SCFD2: variants seen among roughly 807,000 people sequenced by gnomAD.
The protein encoded by SCFD2 is sec1 family domain-containing protein 2.
A neutral mutation model predicts 58.9 loss-of-function variants in SCFD2; 54 were observed. The observed-to-expected ratio is 0.92, with a 90% CI of 0.74 to 1.15. SCFD2 has a LOEUF of 1.15. SCFD2 is among the 50% of genes most tolerant of loss of function. The pLI is 0.00. For synonymous variants in SCFD2, 321 were observed against 335.9 expected (o/e 0.96, Z 0.49); for missense variants, 805 against 836.6 (o/e 0.96, Z 0.47).
chr4:52,946,409 T>C (rs1449197244), intron 5 of SCFD2, among the ~76,000 whole-genome samples: 1 of 152,084 alleles, frequency 6.6e-6, no homozygotes, highest in Non-Finnish European at 1.5e-5. Flanking sequence ...ATTACCAAAG[T>C]ATTCTTACTC....
intron 4 of SCFD2, among the ~76,000 whole-genome samples, chr4:53,150,054 T>G (rs565301345): frequency 6.6e-6 from 1 of 152,336 alleles, no homozygotes; most frequent in African/African-American, 2.4e-5. Flanking sequence ...CCATGTTAGT[T>G]TATTATATTT....
rs549068517 is a variant in SCFD2, at chr4:53,245,478, A to G, written c.1311+28348T>C. ...ATATGTAAATCAATAAACATGATTC[A>G]TCATGCAAACAGAACCAAAGGGAAA... On this transcript the variant is annotated intron_variant, in intron 4 of 8. Coordinates refer to ENST00000401642, the MANE Select transcript of SCFD2 (RefSeq NM_152540.4). Among the ~76,000 whole-genome samples the G allele has an allele frequency of 2.0e-5, 3 of 152,312 alleles. 1 individual carries two copies. The East Asian group carries it at 5.8e-4, about 29-fold the overall frequency.
At position 53,035,815 on chromosome 4, in the gene SCFD2, G is replaced by T. The variant is rs1465741301; in HGVS notation, c.1561+109518C>A. Among the ~76,000 whole-genome samples, 24 of 152,278 alleles carry T rather than the reference G, an allele frequency of 1.6e-4. No individual in the cohort carries two copies. The East Asian group carries it at 4.4e-3, about 28-fold the overall frequency. On this transcript the variant is annotated intron_variant, in intron 5 of 8. Coordinates refer to ENST00000401642, the MANE Select transcript of SCFD2 (RefSeq NM_152540.4). The stretch of plus-strand genomic sequence containing the variant: ...CAGCTAGAATGGCGATCATTAAAAA[G>T]TCAGGAAACAACAGATACTGGGGAG...
intron 2 of SCFD2, among the ~76,000 whole-genome samples, chr4:53,343,228 A>C (rs529357756): frequency 5.9e-5 from 9 of 152,284 alleles, no homozygotes; most frequent in African/African-American, 1.9e-4. Flanking sequence ...CTAATAAAAG[A>C]GAGAAGAATC....
chr4:53,347,055 C>T (rs753784803), intron 2 of SCFD2, among the ~76,000 whole-genome samples: 1 of 152,236 alleles, frequency 6.6e-6, no homozygotes, highest in Non-Finnish European at 1.5e-5. Context: ...TCACCCAGCA[C>T]TCCACTACAG....
At chr4:53,047,505 G>T (rs1271602388) in intron 5 of SCFD2, among the ~76,000 whole-genome samples, 1 of 152,120 alleles carries the variant, frequency 6.6e-6, no homozygotes, top group African/African-American at 2.4e-5. Flanking sequence ...TATTTTCTTT[G>T]CAGGTTGTGT....
At chr4:53,007,305 G>GGAGAGA (rs147645284) in intron 5 of SCFD2, among the ~76,000 whole-genome samples, 2,001 of 66,044 alleles carry the variant, frequency 0.03, 77 homozygotes, top group Non-Finnish European at 0.036. Context: ...AGAGGGAGAG[G>GGAGAGA]GAGAGAGAGA....
At chr4:52,992,756 G>A (rs536998129) in intron 5 of SCFD2, among the ~76,000 whole-genome samples, 3 of 151,782 alleles carry the variant, frequency 2.0e-5, no homozygotes, top group Admixed American at 6.6e-5. Context: ...CCCGGCAGCC[G>A]CCCCATGTGT....
chr4:52,963,494 T>C (rs1720897428), intron 5 of SCFD2, among the ~76,000 whole-genome samples: 1 of 152,236 alleles, frequency 6.6e-6, no homozygotes, highest in South Asian at 2.1e-4. Flanking sequence ...TACCAATGTC[T>C]GTAAAGAATA....
chr4:53,079,066 C>T (rs1724065849), intron 5 of SCFD2, among the ~76,000 whole-genome samples: 1 of 152,100 alleles, frequency 6.6e-6, no homozygotes, highest in Admixed American at 6.6e-5. Flanking sequence ...TGAGAGGTCC[C>T]ATGATCTTTC....
chr4:53,114,396 T>C (rs1226839190), intron 5 of SCFD2, among the ~76,000 whole-genome samples: 1 of 152,084 alleles, frequency 6.6e-6, no homozygotes, highest in African/African-American at 2.4e-5. Context: ...GTAGAAAACC[T>C]GGGCAGAGCA....
intron 5 of SCFD2, among the ~76,000 whole-genome samples, chr4:53,141,906 C>T (rs1227782249): frequency 6.6e-6 from 1 of 152,182 alleles, no homozygotes; most frequent in Non-Finnish European, 1.5e-5. Flanking sequence ...CCGGCCCCAG[C>T]TGTTTGGATG....
At chr4:53,274,047 A>G (rs1247858519) in intron 3 of SCFD2, 46 bp from the exon 4 acceptor site, 1 of 1,485,734 alleles carries the variant, frequency 6.7e-7, no homozygotes, top group African/African-American at 1.4e-5. Flanking sequence ...TGGGAATAGT[A>G]CAAATAATGA....
At chr4:53,063,355 T>C (rs1217795052) in intron 5 of SCFD2, among the ~76,000 whole-genome samples, 1 of 152,040 alleles carries the variant, frequency 6.6e-6, no homozygotes, top group South Asian at 2.1e-4. Context: ...TATGCCCCAA[T>C]GTAACAATTC....
intron 2 of SCFD2, among the ~76,000 whole-genome samples, chr4:53,342,745 T>G (rs1267948533): frequency 6.6e-6 from 1 of 152,056 alleles, no homozygotes; most frequent in Non-Finnish European, 1.5e-5. Context: ...GAACAGAAAT[T>G]ATAACAAACT....
intron 3 of SCFD2, among the ~76,000 whole-genome samples, chr4:53,311,223 A>G (rs1366650524): frequency 6.6e-6 from 1 of 152,182 alleles, no homozygotes; most frequent in African/African-American, 2.4e-5. Flanking sequence ...ACATGGTTGG[A>G]GTATGCTTTG....
At chr4:53,352,482 G>A in intron 2 of SCFD2, 116 bp downstream of exon 2, 1 of 804,548 alleles carries the variant, frequency 1.2e-6, no homozygotes. Context: ...TACCCACTGT[G>A]AAATTTTCAA....
chr4:53,003,469 T>C (rs1721908166), intron 5 of SCFD2, among the ~76,000 whole-genome samples: 1 of 152,216 alleles, frequency 6.6e-6, no homozygotes. Flanking sequence ...GTAATGCAGA[T>C]ATAGGACATT....
chr4:53,360,551 G>A (rs1734522068), intron 1 of SCFD2, among the ~76,000 whole-genome samples: 2 of 152,122 alleles, frequency 1.3e-5, no homozygotes. Flanking sequence ...TGGCCATTCT[G>A]GCTTTATCAC....
Sources: gnomAD v4.1 joint callset for allele counts (sites outside exome capture counted in the v4.1 genomes callset) on GRCh38, gnomAD v4.1.1 for gene constraint, MANE v1.5 for transcripts, NCBI Gene and HGNC (gene_info 2026-07-23, HGNC 2026-07-21) for gene names.